SYNPR: variants seen among roughly 807,000 people sequenced by gnomAD.
SYNPR encodes the protein synaptoporin.
In SYNPR, 23 loss-of-function variants were observed where a neutral mutation model predicts 32.9. The ratio of observed to expected loss-of-function variants is 0.70; its 90% CI spans 0.50 to 0.99. The LOEUF is 0.99. Ranked by LOEUF, SYNPR falls within the 50% of genes least tolerant of loss-of-function variation. SYNPR has a pLI of 0.00. For missense variants in SYNPR, 318 were observed against 349.3 expected (o/e 0.91, Z 0.71); for synonymous variants, 146 against 135.9 (o/e 1.07, Z -0.52).
intron 2 of SYNPR, among the ~76,000 whole-genome samples, chr3:63,295,371 G>A (rs1051640752): frequency 6.6e-6 from 1 of 152,168 alleles, no homozygotes; most frequent in African/African-American, 2.4e-5. Context: ...AGAAAAACAA[G>A]TAATGGTTAG....
intron 3 of SYNPR, among the ~76,000 whole-genome samples, chr3:63,491,566 G>A (rs953415598): frequency 2.6e-5 from 4 of 152,054 alleles, no homozygotes; most frequent in Non-Finnish European, 5.9e-5. Context: ...TGTCACCCAG[G>A]CTGGAGGGCA....
chr3:63,361,764 A>T (rs1395627293), intron 2 of SYNPR, among the ~76,000 whole-genome samples: 1 of 152,098 alleles, frequency 6.6e-6, no homozygotes, highest in Admixed American at 6.5e-5. Flanking sequence ...TAATTAACTT[A>T]AGACTTCAGT....
At chr3:63,240,572 C>T (rs932498274) in intron 1 of SYNPR, among the ~76,000 whole-genome samples, 1 of 151,854 alleles carries the variant, frequency 6.6e-6, no homozygotes, top group Non-Finnish European at 1.5e-5. Context: ...GGGGAGTAAG[C>T]GAGAGGATTG....
chr3:63,597,425 C>T (rs1341101337), intron 4 of SYNPR, among the ~76,000 whole-genome samples: 1 of 152,098 alleles, frequency 6.6e-6, no homozygotes, highest in African/African-American at 2.4e-5. Flanking sequence ...AGCCTGGAGC[C>T]AGTTTTCTTT....
chr3:63,385,781 C>T (rs1424907172), intron 2 of SYNPR, among the ~76,000 whole-genome samples: 1 of 152,178 alleles, frequency 6.6e-6, no homozygotes, highest in Non-Finnish European at 1.5e-5. Context: ...TGAGGAAACA[C>T]GTACAGTATG....
chr3:63,209,454 A>G, the SYNPR span, among the ~76,000 whole-genome samples: 1 of 152,218 alleles, frequency 6.6e-6, no homozygotes, highest in East Asian at 1.9e-4. Flanking sequence ...AGAGCTTACT[A>G]AAGATTTTCT....
intron 2 of SYNPR, among the ~76,000 whole-genome samples, chr3:63,286,070 C>T (rs6792508): frequency 0.46 from 70,542 of 151,966 alleles, 16,555 homozygotes; most frequent in Middle Eastern, 0.52. Flanking sequence ...AAATTTGTAT[C>T]CAGACTTGCT....
At chr3:63,379,919 T>C (rs1483405153) in intron 2 of SYNPR, among the ~76,000 whole-genome samples, 1 of 151,976 alleles carries the variant, frequency 6.6e-6, no homozygotes, top group South Asian at 2.1e-4. Context: ...TTCCCACCTA[T>C]GAGTGAGAAC....
chr3:63,595,885 A>G (rs1428273207), intron 4 of SYNPR, among the ~76,000 whole-genome samples: 1 of 94,956 alleles, frequency 1.1e-5, no homozygotes, highest in Non-Finnish European at 2.2e-5. Context: ...TTTTATATAT[A>G]TATAGTTTTA....
intron 2 of SYNPR, among the ~76,000 whole-genome samples, chr3:63,380,347 C>T (rs2087949715): frequency 6.6e-6 from 1 of 152,152 alleles, no homozygotes. Context: ...TCTCCAGCAC[C>T]TGTTGTTTCC....
At chr3:63,445,647 G>A in intron 2 of SYNPR, 2 of 622,956 alleles carry the variant, frequency 3.2e-6, no homozygotes, top group Non-Finnish European at 5.8e-6. Flanking sequence ...ATCTTGACAA[G>A]CACTCTATGA....
chr3:63,435,865 G>T (rs1250597980), intron 2 of SYNPR, among the ~76,000 whole-genome samples: 2 of 152,112 alleles, frequency 1.3e-5, no homozygotes, highest in African/African-American at 4.8e-5. Context: ...GAGTAATTCA[G>T]CATTATGTAT....
chr3:63,403,467 CACAT>C (rs940737901), intron 2 of SYNPR, among the ~76,000 whole-genome samples: 1 of 151,408 alleles, frequency 6.6e-6, no homozygotes, highest in Non-Finnish European at 1.5e-5. Flanking sequence ...CACACACACA[CACAT>C]AGAGAGAGAG....
In SYNPR at chr3:63,481,033, G is replaced by T. The variant is rs527282536; in HGVS notation, c.209+77G>T. On this transcript the variant is annotated intron_variant, in intron 3 of 5. Coordinates refer to ENST00000478300, the MANE Select transcript of SYNPR (RefSeq NM_001130003.2). ...TTCTGTGCTTTGTCTCAGAAAAAATGCAGTCTTCCAGGGACTTCTGGGTAA... is the reference window on the plus strand; with the variant it reads ...TTCTGTGCTTTGTCTCAGAAAAAATTCAGTCTTCCAGGGACTTCTGGGTAA... 105 of 1,542,552 alleles carry T rather than the reference G, an allele frequency of 6.8e-5. No homozygotes were observed. The South Asian group carries it at 1.1e-3, about 16-fold the overall frequency.
chr3:63,380,680 A>G (rs2087955657), intron 2 of SYNPR, among the ~76,000 whole-genome samples: 1 of 152,188 alleles, frequency 6.6e-6, no homozygotes, highest in Non-Finnish European at 1.5e-5. Context: ...CGAATCCAGC[A>G]GCACATCAAA....
chr3:63,278,248 T>A (rs1329536620), upstream of SYNPR: 2 of 400,852 alleles, frequency 5.0e-6, no homozygotes, highest in Non-Finnish European at 8.9e-6. Context: ...AGCCTTCCCC[T>A]GGCTCCATGG....
intron 2 of SYNPR, among the ~76,000 whole-genome samples, chr3:63,296,411 T>A (rs759624548): frequency 6.6e-6 from 1 of 152,186 alleles, no homozygotes; most frequent in Non-Finnish European, 1.5e-5. Flanking sequence ...CCCCAGGGAC[T>A]GTGTTTGCAT....
At chr3:63,334,830 T>G (rs186924444) in intron 2 of SYNPR, among the ~76,000 whole-genome samples, 1,972 of 96,146 alleles carry the variant, frequency 0.021, 43 homozygotes, top group African/African-American at 0.055. Flanking sequence ...TGCCATCACT[T>G]TCAATAGCGA....
chr3:63,562,238 AG>A (rs1702703740), intron 4 of SYNPR, among the ~76,000 whole-genome samples: 1 of 152,188 alleles, frequency 6.6e-6, no homozygotes, highest in Admixed American at 6.5e-5. Context: ...TCAAATAATG[AG>A]GATTTAGTTT....
Sources: gnomAD v4.1 joint callset for allele counts (sites outside exome capture counted in the v4.1 genomes callset) on GRCh38, gnomAD v4.1.1 for gene constraint, MANE v1.5 for transcripts, NCBI Gene and HGNC (gene_info 2026-07-23, HGNC 2026-07-21) for gene names.